Variants in KAZN observed in about 807,000 individuals in gnomAD.
KAZN encodes kazrin.
Under a neutral mutation model 87.4 loss-of-function variants are expected in KAZN, and 40 were observed. The ratio of observed to expected loss-of-function variants is 0.46; its 90% CI spans 0.36 to 0.60. The LOEUF (loss-of-function observed/expected upper bound fraction) is 0.60. KAZN is among the 20% of genes least tolerant of loss of function. KAZN has a pLI of 0.00. For synonymous variants in KAZN, 466 were observed against 458.3 expected (o/e 1.02, Z -0.22); for missense variants, 898 against 1,073.9 (o/e 0.84, Z 2.29).
chr1:14,260,082 C>G (rs1650892806), intron 2 of KAZN, among the ~76,000 whole-genome samples: 1 of 152,160 alleles, frequency 6.6e-6, no homozygotes, highest in East Asian at 1.9e-4. Context: ...TTCCTTGTGT[C>G]TTGACAAAAA....
intron 1 of KAZN, among the ~76,000 whole-genome samples, chr1:14,154,737 A>T (rs1364161528): frequency 2.0e-5 from 3 of 152,206 alleles, no homozygotes; most frequent in African/African-American, 7.2e-5. Context: ...CTTTTTCAGC[A>T]TCCATTGAAA....
intron 2 of KAZN, among the ~76,000 whole-genome samples, chr1:14,375,484 C>A (rs981659742): frequency 6.6e-6 from 1 of 152,182 alleles, no homozygotes; most frequent in Non-Finnish European, 1.5e-5. Context: ...GTGTTTCCCA[C>A]AGGCAAGATG....
At chr1:14,752,422 CA>C (rs1219011172) in intron 1 of KAZN, among the ~76,000 whole-genome samples, 3 of 152,240 alleles carry the variant, frequency 2.0e-5, no homozygotes, top group African/African-American at 7.2e-5. Flanking sequence ...ATTTGTGCTA[CA>C]AAACAAAATA....
At chr1:14,187,199 G>A (rs1393761667) in intron 2 of KAZN, among the ~76,000 whole-genome samples, 1 of 152,082 alleles carries the variant, frequency 6.6e-6, no homozygotes, top group Non-Finnish European at 1.5e-5. Flanking sequence ...TGGTGACTTG[G>A]AGTATTTGCT....
intron 1 of KAZN, among the ~76,000 whole-genome samples, chr1:14,121,104 C>T (rs1398128110): frequency 6.6e-6 from 1 of 152,128 alleles, no homozygotes; most frequent in Non-Finnish European, 1.5e-5. Context: ...AGAGGGAGAA[C>T]CCCATGAGTC....
At chr1:14,330,826 AAAC>A (rs1289269848) in intron 2 of KAZN, among the ~76,000 whole-genome samples, 2 of 152,224 alleles carry the variant, frequency 1.3e-5, no homozygotes, top group Non-Finnish European at 2.9e-5. Flanking sequence ...GCAAAGAATA[AAAC>A]AAAACTATAT....
At chr1:14,531,563 G>A (rs1360332376) in intron 2 of KAZN, among the ~76,000 whole-genome samples, 1 of 152,046 alleles carries the variant, frequency 6.6e-6, no homozygotes, top group African/African-American at 2.4e-5. Flanking sequence ...GACTAGAGGG[G>A]CTTGGGGATT....
intron 1 of KAZN, among the ~76,000 whole-genome samples, chr1:13,988,789 A>G (rs992561585): frequency 9.7e-4 from 148 of 152,320 alleles, no homozygotes; most frequent in Non-Finnish European, 1.9e-3. Flanking sequence ...AATTCTTAAT[A>G]TGTTTTGGGG....
chr1:14,984,935 AG>A (rs1666621621), intron 2 of KAZN, among the ~76,000 whole-genome samples: 1 of 151,664 alleles, frequency 6.6e-6, no homozygotes, highest in African/African-American at 2.4e-5. Flanking sequence ...CAGGAGTTCA[AG>A]ACCAGCCTGG....
intron 2 of KAZN, among the ~76,000 whole-genome samples, chr1:14,518,321 T>C (rs1160300734): frequency 6.6e-6 from 1 of 150,526 alleles, no homozygotes; most frequent in East Asian, 2.0e-4. Context: ...GGACTACAAA[T>C]GCGCACCACC....
intron 2 of KAZN, among the ~76,000 whole-genome samples, chr1:14,397,100 T>C (rs1662967092): frequency 1.3e-5 from 2 of 152,212 alleles, no homozygotes; most frequent in Non-Finnish European, 2.9e-5. Context: ...ATTGCAGTAA[T>C]AGCCCCACTT....
intron 8 of KAZN, chr1:15,067,728 G>A (rs1639313755): frequency 1.0e-6 from 1 of 985,324 alleles, no homozygotes; most frequent in East Asian, 1.1e-4. Flanking sequence ...AGCAGGCAGA[G>A]GCCCTCATAA....
intron 2 of KAZN, among the ~76,000 whole-genome samples, chr1:14,272,341 G>C (rs985919530): frequency 1.3e-5 from 2 of 152,136 alleles, no homozygotes; most frequent in African/African-American, 4.8e-5. Flanking sequence ...GAAGCAGCCA[G>C]GCCTTTTACT....
At chr1:14,921,898 G>A (rs1382073642) in intron 1 of KAZN, among the ~76,000 whole-genome samples, 2 of 152,164 alleles carry the variant, frequency 1.3e-5, no homozygotes, top group Non-Finnish European at 2.9e-5. Context: ...TTTTAGTAGA[G>A]ACGGGGTTTC....
chr1:15,083,358 C>A (rs994777207), intron 8 of KAZN, among the ~76,000 whole-genome samples: 1 of 152,212 alleles, frequency 6.6e-6, no homozygotes, highest in South Asian at 2.1e-4. Flanking sequence ...GTGAATGGTG[C>A]ACTGGGCCTG....
intron 2 of KAZN, among the ~76,000 whole-genome samples, chr1:14,964,314 T>C (rs1664207178): frequency 6.6e-6 from 1 of 152,142 alleles, no homozygotes; most frequent in Admixed American, 6.5e-5. Context: ...GTTGTGAAGA[T>C]TGAGGTGTAA....
At chr1:14,360,911 G>A (rs10927413) in intron 2 of KAZN, among the ~76,000 whole-genome samples, 48,421 of 152,120 alleles carry the variant, frequency 0.32, 8,407 homozygotes, top group Middle Eastern at 0.43. Flanking sequence ...CAGGATGCAC[G>A]GGGGTCAGGG....
At position 15,094,343 on chromosome 1, in the gene KAZN, T is replaced by G; in HGVS notation, c.1386T>G (p.Pro462=). 3 of 1,613,866 alleles carry G rather than the reference T, an allele frequency of 1.9e-6. No homozygotes were observed. Among genetic ancestry groups the G allele is most frequent in the Non-Finnish European group, 2.5e-6 (3 of 1,179,828 alleles). The part of the protein sequence containing the change: ...QAWLEVVMAM[P]MYVKACTENV... ...GGCTGGAGGTGGTGATGGCCATGCC[T>G]ATGTACGTCAAGGCCTGCACGGAGA... Residue 462 remains proline (P), a synonymous_variant, in exon 9 of 15, where the codon CCT becomes CCG. Transcript: ENST00000376030. The surrounding 1 kb of genome is among the most constrained non-coding windows in gnomAD (Gnocchi z 4.5).
rs534293101 is a variant in KAZN at position 14,576,386 on chromosome 1, T to A, written c.250-22597T>A. On this transcript the variant is annotated intron_variant, in intron 2 of 16. Coordinates refer to the KAZN transcript ENST00000636203. ...GATGATGGAACAATGGATGGCTGGGTGGATGGATGGATGGATGGACAGATA... is the reference window on the plus strand; with the variant it reads ...GATGATGGAACAATGGATGGCTGGGAGGATGGATGGATGGATGGACAGATA... 2.6e-3 allele frequency among the ~76,000 whole-genome samples: 321 copies of A among 121,512 alleles called. 2 individuals are homozygous for A. Among genetic ancestry groups the A allele is most frequent in the East Asian group, 4.3e-4 (2 of 4,650 alleles). 79.7% of individuals were successfully genotyped at this position (121,512 alleles called of 152,430 possible).
Sources: allele counts gnomAD v4.1 joint callset (sites outside exome capture counted in the v4.1 genomes callset), GRCh38; gene constraint gnomAD v4.1.1; non-coding constraint Gnocchi (gnomAD v3.1); transcripts MANE v1.5; gene names NCBI Gene and HGNC (gene_info 2026-07-23, HGNC 2026-07-21).